Variants in MAPK10 observed in about 807,000 individuals in gnomAD.
MAPK10 encodes the protein JNK3 alpha protein kinase.
A neutral mutation model predicts 59.3 loss-of-function variants in MAPK10; 25 were observed. That is an observed-to-expected ratio of 0.42 (90% CI 0.31 to 0.59). The LOEUF is 0.59. Among genes scored for constraint, MAPK10 ranks in the 20% least tolerant of loss-of-function variants. The probability of loss-of-function intolerance (pLI) is 0.15; values close to 1 mark genes in which losing one functional copy is unlikely to be tolerated. For synonymous variants in MAPK10, 190 were observed against 200.5 expected, an observed-to-expected ratio of 0.95 and a Z score of 0.44; for missense variants, 351 against 568.9, an observed-to-expected ratio of 0.62 and a Z score of 3.90.
intron 13 of MAPK10, chr4:86,027,689 A>T (rs1751055549): frequency 6.6e-6 from 1 of 152,342 alleles, no homozygotes; most frequent in South Asian, 2.1e-4. Flanking sequence ...ATTAATATAT[A>T]TTTACTGAGC....
chr4:86,531,332 G>C (rs1287235561), intron 1 of MAPK10, among the ~76,000 whole-genome samples: 2 of 152,204 alleles, frequency 1.3e-5, no homozygotes, highest in Non-Finnish European at 2.9e-5. Context: ...TCCCCTCGAT[G>C]AGGGTACATG....
chr4:86,174,114 T>C (rs547431529), intron 3 of MAPK10, among the ~76,000 whole-genome samples: 4 of 152,286 alleles, frequency 2.6e-5, no homozygotes, highest in East Asian at 1.9e-4. Context: ...AGCAATCCCA[T>C]TACTGGGTAT....
intron 2 of MAPK10, among the ~76,000 whole-genome samples, chr4:86,300,040 GCAC>G (rs761439480): frequency 6.6e-6 from 1 of 151,858 alleles, no homozygotes; most frequent in Non-Finnish European, 1.5e-5. Context: ...TTGCAGGTGT[GCAC>G]CACCACACCT....
At chr4:86,077,728 G>A (rs2049803399) in intron 9 of MAPK10, among the ~76,000 whole-genome samples, 2 of 152,102 alleles carry the variant, frequency 1.3e-5, no homozygotes, top group Admixed American at 6.5e-5. Context: ...GCAATTTAAA[G>A]AACATCAGTG....
chr4:86,068,746 T>A (rs115680541), intron 9 of MAPK10, among the ~76,000 whole-genome samples: 1,619 of 152,258 alleles, frequency 0.011, 22 homozygotes, highest in African/African-American at 0.036. Flanking sequence ...TGAAAATTAA[T>A]ACCCTTTTAA....
At chr4:86,526,118 T>A (rs1231447243) in intron 1 of MAPK10, among the ~76,000 whole-genome samples, 1 of 152,168 alleles carries the variant, frequency 6.6e-6, no homozygotes, top group Admixed American at 6.5e-5. Context: ...TTCTCAATGT[T>A]TTTGGAATAG....
intron 1 of MAPK10, among the ~76,000 whole-genome samples, chr4:86,559,737 G>A (rs928538232): frequency 1.5e-4 from 23 of 152,060 alleles, no homozygotes; most frequent in African/African-American, 4.8e-4. Context: ...TCAAGAGATC[G>A]AGACCATCCT....
At chr4:86,312,101 T>A (rs1166988131) in intron 2 of MAPK10, among the ~76,000 whole-genome samples, 2 of 152,106 alleles carry the variant, frequency 1.3e-5, no homozygotes, top group Admixed American at 6.6e-5. Flanking sequence ...TATATGGACA[T>A]AGAATTGGAA....
chr4:86,150,959 G>C (rs1403393616), intron 4 of MAPK10, among the ~76,000 whole-genome samples: 1 of 152,166 alleles, frequency 6.6e-6, no homozygotes. Context: ...GAGGGAAGGA[G>C]AGAAAGAGGG....
At chr4:86,166,476 T>C (rs908068278) in intron 3 of MAPK10, among the ~76,000 whole-genome samples, 3 of 152,066 alleles carry the variant, frequency 2.0e-5, no homozygotes, top group Non-Finnish European at 2.9e-5. Flanking sequence ...ATTATCATTA[T>C]TATTGAGAAG....
intron 2 of MAPK10, among the ~76,000 whole-genome samples, chr4:86,275,267 G>A (rs1294563613): frequency 1.3e-5 from 2 of 151,990 alleles, no homozygotes; most frequent in Non-Finnish European, 2.9e-5. Flanking sequence ...AAATAAGATT[G>A]TAGCTAATGT....
chr4:86,485,054 A>T (rs745345262), intron 1 of MAPK10, among the ~76,000 whole-genome samples: 9 of 152,218 alleles, frequency 5.9e-5, no homozygotes, highest in Non-Finnish European at 1.0e-4. Flanking sequence ...ACTAGGTGGC[A>T]GATTAGATGC....
At chr4:86,149,041 C>A (rs868577481) in intron 4 of MAPK10, among the ~76,000 whole-genome samples, 90 of 152,264 alleles carry the variant, frequency 5.9e-4, no homozygotes, top group African/African-American at 1.9e-3. Flanking sequence ...ATTCAACCAC[C>A]AGCCAATAAT....
intron 1 of MAPK10, among the ~76,000 whole-genome samples, chr4:86,460,464 C>T (rs912005087): frequency 3.3e-5 from 5 of 152,042 alleles, no homozygotes; most frequent in African/African-American, 4.8e-5. Context: ...AGAGATCACC[C>T]GTCACATGTA....
Position 86,496,869 on chromosome 4 carries a change from T to TAGATAATCC in MAPK10, c.-263+97032_-263+97040dup, listed in dbSNP as rs562636660. ...CTAAGCACACGCTTAGTCAGCTTTA[T>TAGATAATCC]AGATAATCCAGATAATCCAGTTCTG... On this transcript the variant is annotated intron_variant, in intron 1 of 4. Transcript: ENST00000502302. 1.4e-3 allele frequency among the ~76,000 whole-genome samples: 207 copies of TAGATAATCC among 152,330 alleles called. 1 individual carries two copies. Among genetic ancestry groups the TAGATAATCC allele is most frequent in the Non-Finnish European group, 2.4e-3 (165 of 68,030 alleles).
chr4:86,590,752 C>T (rs1762983418), intron 1 of MAPK10, among the ~76,000 whole-genome samples: 2 of 152,064 alleles, frequency 1.3e-5, no homozygotes, highest in South Asian at 4.1e-4. Context: ...CACTACTACA[C>T]TCCAGCCTGG....
chr4:86,319,009 G>C (rs945230368), intron 2 of MAPK10, among the ~76,000 whole-genome samples: 1 of 152,156 alleles, frequency 6.6e-6, no homozygotes, highest in Admixed American at 6.6e-5. Context: ...TTGAACCTCT[G>C]AGTTGGAGGG....
intron 2 of MAPK10, among the ~76,000 whole-genome samples, chr4:86,275,029 A>C (rs556760189): frequency 6.6e-6 from 1 of 152,174 alleles, no homozygotes; most frequent in South Asian, 2.1e-4. Flanking sequence ...ATTCACCAGG[A>C]TGAATAAACT....
intron 2 of MAPK10, among the ~76,000 whole-genome samples, chr4:86,324,898 A>G (rs1190273344): frequency 2.6e-5 from 4 of 152,196 alleles, no homozygotes; most frequent in African/African-American, 7.2e-5. Context: ...CTCGCTCTTC[A>G]TAGCAAAACT....
Sources: allele counts gnomAD v4.1 joint callset (sites outside exome capture counted in the v4.1 genomes callset), GRCh38; gene constraint gnomAD v4.1.1; transcripts MANE v1.5; gene names NCBI Gene and HGNC (gene_info 2026-07-23, HGNC 2026-07-21).